NTRK3: variants seen among roughly 807,000 people sequenced by gnomAD.
NTRK3 encodes neurotrophic receptor tyrosine kinase 3.
Under a neutral mutation model 91.7 loss-of-function variants are expected in NTRK3, and 24 were observed. The observed-to-expected ratio is 0.26, with a 90% CI of 0.19 to 0.37. NTRK3 has a LOEUF of 0.37. Ranked by LOEUF, NTRK3 falls within the 10% of genes least tolerant of loss-of-function variation. The probability of loss-of-function intolerance (pLI) is 1.00; values close to 1 mark genes in which losing one functional copy is unlikely to be tolerated. For missense variants in NTRK3, 880 were observed against 1,068.9 expected, an observed-to-expected ratio of 0.82 and a Z score of 2.46; for synonymous variants, 483 against 404.0, an observed-to-expected ratio of 1.20 and a Z score of -2.34.
intron 17 of NTRK3, among the ~76,000 whole-genome samples, chr15:87,896,339 C>G (rs1201480695): frequency 1.3e-5 from 2 of 151,924 alleles, no homozygotes; most frequent in East Asian, 3.9e-4. Flanking sequence ...GGCGTGGTGG[C>G]GCACACCTGT....
intron 16 of NTRK3, chr15:87,931,221 G>C (rs1481707164): frequency 1.9e-6 from 1 of 518,426 alleles, no homozygotes; most frequent in East Asian, 5.5e-5. Context: ...GGTGGCTCTT[G>C]GGGCTGGAGA....
At chr15:87,876,989 T>A (rs767594347) in exon 19 of NTRK3, 1 of 1,613,840 alleles carries the variant, frequency 6.2e-7, no homozygotes, top group Non-Finnish European at 8.5e-7. Context: ...CATGGAGGAT[T>A]TTGTAGATCT....
chr15:87,940,925 T>G (rs563934245), intron 14 of NTRK3, among the ~76,000 whole-genome samples, 172 bp from the exon 15 acceptor site: 3 of 152,284 alleles, frequency 2.0e-5, no homozygotes, highest in Non-Finnish European at 2.9e-5. Context: ...CTCTGTGGTT[T>G]GAGAGTATGG....
In NTRK3 at chr15:88,233,315, T is replaced by A. The variant is rs547194670; in HGVS notation, c.248+22591A>T. On this transcript the variant is annotated intron_variant, in intron 3 of 18. Coordinates refer to ENST00000394480, the Ensembl canonical transcript of NTRK3. This position sits in a 1 kb window ranked among gnomAD's most constrained non-coding sequence, Gnocchi z 4.2. ...ATGCAGATCACTTGTGAAACACCTC[T>A]GGCTTCACACAGTTCCACCTGCAGT... 6.6e-6 allele frequency among the ~76,000 whole-genome samples: 1 copy of A among 152,286 alleles called. No homozygotes were observed. The highest frequency in any genetic ancestry group is 1.9e-4 in the East Asian group (1 of 5,178).
intron 14 of NTRK3, among the ~76,000 whole-genome samples, chr15:88,027,174 C>A (rs1226497445): frequency 2.0e-5 from 3 of 151,930 alleles, no homozygotes; most frequent in African/African-American, 7.3e-5. Flanking sequence ...GAGTTTAAAT[C>A]TCAGGCTCTC....
At chr15:87,920,791 G>C (rs1208365991) in intron 17 of NTRK3, among the ~76,000 whole-genome samples, 2 of 152,118 alleles carry the variant, frequency 1.3e-5, no homozygotes, top group Admixed American at 6.5e-5. Context: ...CGAGGGCATA[G>C]GGTATCAAAG....
intron 17 of NTRK3, among the ~76,000 whole-genome samples, chr15:87,885,482 C>A (rs1406804966): frequency 2.6e-5 from 4 of 151,836 alleles, no homozygotes; most frequent in Admixed American, 2.6e-4. Context: ...GGGAGAGTTA[C>A]TCTATCAGAT....
intron 17 of NTRK3, among the ~76,000 whole-genome samples, chr15:87,906,404 G>A (rs990750591): frequency 6.6e-6 from 1 of 152,112 alleles, no homozygotes; most frequent in African/African-American, 2.4e-5. Context: ...GAGATTAAGG[G>A]ACTTTCTACA....
At chr15:88,217,562 G>C (rs1285145355) in intron 3 of NTRK3, among the ~76,000 whole-genome samples, 4 of 152,250 alleles carry the variant, frequency 2.6e-5, no homozygotes, top group African/African-American at 9.6e-5. Context: ...GATTTCTAGA[G>C]ACAGAAAGTG....
intron 14 of NTRK3, among the ~76,000 whole-genome samples, chr15:88,013,994 G>A (rs2077059667): frequency 6.6e-6 from 1 of 152,166 alleles, no homozygotes; most frequent in Non-Finnish European, 1.5e-5. Context: ...TCACTAGGAA[G>A]CCAGTGCAGC....
intron 3 of NTRK3, among the ~76,000 whole-genome samples, chr15:88,223,155 A>G (rs1342695316): frequency 6.6e-6 from 1 of 152,212 alleles, no homozygotes; most frequent in Non-Finnish European, 1.5e-5. Context: ...CAGCCACTCC[A>G]GCTGGAACAC....
intron 14 of NTRK3, among the ~76,000 whole-genome samples, chr15:88,012,070 A>T (rs1418188151): frequency 6.6e-6 from 1 of 152,170 alleles, no homozygotes; most frequent in East Asian, 1.9e-4. Flanking sequence ...GTTCAAGCCA[A>T]CAGAGCTCAC....
chr15:88,090,435 G>A (rs1425150975), intron 13 of NTRK3, among the ~76,000 whole-genome samples: 3 of 152,180 alleles, frequency 2.0e-5, no homozygotes, highest in Non-Finnish European at 2.9e-5. Flanking sequence ...AGGACAGCGT[G>A]CCCTAGGCAA....
intron 5 of NTRK3, among the ~76,000 whole-genome samples, chr15:88,162,158 C>A (rs2044517232): frequency 6.6e-6 from 1 of 152,192 alleles, no homozygotes; most frequent in Admixed American, 6.5e-5. Flanking sequence ...CACAGCAAAT[C>A]AGGATATAAG....
chr15:87,998,807 G>A (rs2075893757), intron 14 of NTRK3, among the ~76,000 whole-genome samples: 1 of 152,160 alleles, frequency 6.6e-6, no homozygotes. Flanking sequence ...AGATAAAAAT[G>A]TCAAGTGAGA....
chr15:87,968,294 A>T (rs1432576082), intron 14 of NTRK3, among the ~76,000 whole-genome samples: 2 of 152,180 alleles, frequency 1.3e-5, no homozygotes, highest in Non-Finnish European at 2.9e-5. Context: ...TATGACTTTT[A>T]AGTGAAAAGA....
rs112508923 is a variant in NTRK3, at chr15:88,013,292, C to A, written c.1585+19565G>T. ...ACCCGCATCTTCCTCTAGGTCAGAG[C>A]GTAACCAGATAACAGAACTGTGGAA... On this transcript the variant is annotated intron_variant, in intron 14 of 18. Coordinates refer to ENST00000394480, the Ensembl canonical transcript of NTRK3. Among the ~76,000 whole-genome samples the A allele has an allele frequency of 2.9e-3, 447 of 152,338 alleles. 3 individuals carry two copies. The highest frequency in any genetic ancestry group is 5.5e-3 in the Non-Finnish European group (376 of 68,028).
At chr15:88,114,530 G>T (rs2051818743) in intron 13 of NTRK3, among the ~76,000 whole-genome samples, 1 of 152,066 alleles carries the variant, frequency 6.6e-6, no homozygotes, top group South Asian at 2.1e-4. Flanking sequence ...TATCATTCTT[G>T]GTATGCAACT....
intron 13 of NTRK3, among the ~76,000 whole-genome samples, chr15:88,068,862 G>A (rs992728619): frequency 2.6e-5 from 4 of 152,138 alleles, no homozygotes; most frequent in Non-Finnish European, 4.4e-5. Context: ...GAAGCAAATG[G>A]AGCCAAGAGG....
Sources: allele counts gnomAD v4.1 joint callset (sites outside exome capture counted in the v4.1 genomes callset), GRCh38; gene constraint gnomAD v4.1.1; non-coding constraint Gnocchi (gnomAD v3.1); transcripts MANE v1.5; gene names NCBI Gene and HGNC (gene_info 2026-07-23, HGNC 2026-07-21).